RSRC2: variants seen among roughly 807,000 people sequenced by gnomAD.
RSRC2 encodes arginine/serine-rich coiled-coil protein 2.
In RSRC2, 5 loss-of-function variants were observed where a neutral mutation model predicts 61.3. That is an observed-to-expected ratio of 0.08 (90% CI 0.04 to 0.17). RSRC2 has a LOEUF of 0.17. Ranked by LOEUF, RSRC2 falls within the 10% of genes least tolerant of loss-of-function variation. RSRC2 has a pLI of 1.00. For missense variants in RSRC2, 381 were observed against 518.8 expected (o/e 0.73, Z 2.58); for synonymous variants, 202 against 166.5 (o/e 1.21, Z -1.64).
intron 8 of RSRC2, 61 bp downstream of exon 8, chr12:122,508,157 G>A (rs750912578): frequency 6.9e-7 from 1 of 1,452,506 alleles, no homozygotes; most frequent in Non-Finnish European, 9.7e-7. Context: ...ACCCAAATTT[G>A]TTTTTCTAAG....
chr12:122,506,165 C>T (rs1958104236), intron 9 of RSRC2, among the ~76,000 whole-genome samples: 1 of 152,048 alleles, frequency 6.6e-6, no homozygotes, highest in Admixed American at 6.5e-5. Flanking sequence ...ACGGGTGGAT[C>T]ACCTGAGGTC....
intron 6 of RSRC2, among the ~76,000 whole-genome samples, chr12:122,512,261 C>A (rs939263027): frequency 6.6e-6 from 1 of 152,158 alleles, no homozygotes; most frequent in African/African-American, 2.4e-5. Flanking sequence ...CAATGAATTC[C>A]TGAAAGAGGA....
chr12:122,522,414 T>C, intron 1 of RSRC2, 115 bp from the exon 2 acceptor site: 1 of 1,001,556 alleles, frequency 1.0e-6, no homozygotes, highest in African/African-American at 1.6e-5. Flanking sequence ...TAAATCAGAA[T>C]GCCTGCTTTC....
chr12:122,514,559 C>T (rs1593387950), intron 6 of RSRC2: 1 of 976,356 alleles, frequency 1.0e-6, no homozygotes, highest in Non-Finnish European at 1.2e-6. Flanking sequence ...ACCGATTGCA[C>T]CCGGCCGAAA....
At chr12:122,520,369 T>G in intron 3 of RSRC2, 1 of 506,548 alleles carries the variant, frequency 2.0e-6, no homozygotes, top group Non-Finnish European at 3.4e-6. Flanking sequence ...TGGTTAAACT[T>G]CTAAAGGTTT....
In RSRC2 at chr12:122,515,173, C is replaced by T. The variant is rs202041060; in HGVS notation, c.657G>A (p.Arg219=). 35 of 1,614,124 alleles carry T rather than the reference C, an allele frequency of 2.2e-5. 1 individual carries two copies. The South Asian group carries it at 3.5e-4, about 16-fold the overall frequency. Residue 219 remains arginine, a synonymous_variant, in exon 6 of 10, where the codon CGG becomes CGA. Transcript: ENST00000331738. ...CTCTGAAGGGAGGTGGACTTGGAGT[C>T]CGGCTTAAACTTCTGCTAAATCTTC... The part of the protein sequence containing the change: ...KPRRFSRSLS[R]TPSPPPFRGR...
chr12:122,513,243 A>T (rs1332970389), intron 6 of RSRC2, among the ~76,000 whole-genome samples: 2 of 48,152 alleles, frequency 4.2e-5, no homozygotes, highest in African/African-American at 8.5e-5. Flanking sequence ...AAATAAATAA[A>T]TAAAATAAAA....
At chr12:122,509,737 G>A (rs780607992) in intron 7 of RSRC2, among the ~76,000 whole-genome samples, 5 of 152,126 alleles carry the variant, frequency 3.3e-5, no homozygotes, top group Admixed American at 1.3e-4. Flanking sequence ...AAGTGCCACT[G>A]TTTACCAAAA....
At chr12:122,509,616 T>C (rs1958347480) in intron 7 of RSRC2, among the ~76,000 whole-genome samples, 1 of 152,092 alleles carries the variant, frequency 6.6e-6, no homozygotes, top group African/African-American at 2.4e-5. Flanking sequence ...GTCCAGAATA[T>C]AACCTTAAAA....
intron 3 of RSRC2, 76 bp downstream of exon 3, chr12:122,521,309 T>C: frequency 8.8e-7 from 1 of 1,134,826 alleles, no homozygotes; most frequent in Non-Finnish European, 1.3e-6. Flanking sequence ...GACAACGTCT[T>C]ATATTCATAC....
intron 5 of RSRC2, 106 bp downstream of exon 5, chr12:122,517,121 C>T: frequency 6.6e-7 from 1 of 1,509,292 alleles, no homozygotes; most frequent in Non-Finnish European, 9.0e-7. Flanking sequence ...TTACCATAAT[C>T]TATAAATAGA....
intron 7 of RSRC2, 82 bp downstream of exon 7, chr12:122,511,023 AGAAT>A: frequency 2.1e-6 from 2 of 962,310 alleles, no homozygotes; most frequent in Non-Finnish European, 3.1e-6. Flanking sequence ...CACTCCAGTC[AGAAT>A]GACAGAGCAA....
chr12:122,514,067 A>T (rs1156985034), intron 6 of RSRC2: 1 of 152,210 alleles, frequency 6.6e-6, no homozygotes, highest in Non-Finnish European at 1.5e-5. Context: ...AGAAAAAAAA[A>T]TCAAAACCTA....
At position 122,525,809 on chromosome 12, in the gene RSRC2, T is replaced by TAACTGTAACGC. The variant is rs1960167909; in HGVS notation, c.6+1038_6+1039insGCGTTACAGTT. Among the ~76,000 whole-genome samples, 7 of 16,160 alleles carry TAACTGTAACGC rather than the reference T, an allele frequency of 4.3e-4. No homozygotes were observed. In the South Asian group the frequency reaches 9.6e-3, roughly 22 times the overall value. 10.6% of individuals were successfully genotyped at this position (16,160 alleles called of 152,430 possible). On this transcript the variant is annotated intron_variant, in intron 1 of 9. Coordinates refer to ENST00000331738, the MANE Select transcript of RSRC2 (RefSeq NM_023012.6). ...TCTGGGGTCAACGAAGAGTTTTTTT[T>TAACTGTAACGC]TTTTTTTTTTTTTTTTTTTTTTTTT...
At chr12:122,511,459 A>G (rs972898200) in intron 6 of RSRC2, among the ~76,000 whole-genome samples, 1 of 152,368 alleles carries the variant, frequency 6.6e-6, no homozygotes, top group Middle Eastern at 3.4e-3. Context: ...CCAATTAACA[A>G]GTGAAAAAAA....
At chr12:122,515,987 TCAAAA>T (rs1303023491) in intron 5 of RSRC2, among the ~76,000 whole-genome samples, 1 of 151,944 alleles carries the variant, frequency 6.6e-6, no homozygotes, top group African/African-American at 2.4e-5. Flanking sequence ...AGACTCTGTC[TCAAAA>T]CAAACAAAAA....
intron 1 of RSRC2, 57 bp downstream of exon 1, chr12:122,526,791 A>G (rs1267494542): frequency 6.2e-7 from 1 of 1,602,046 alleles, no homozygotes; most frequent in Non-Finnish European, 8.6e-7. Flanking sequence ...CCGTTCACCC[A>G]CTGTTGGAAC....
intron 3 of RSRC2, 50 bp from the exon 4 acceptor site, chr12:122,519,079 A>T: frequency 1.3e-6 from 2 of 1,489,426 alleles, no homozygotes; most frequent in Non-Finnish European, 1.9e-6. Context: ...CAACAAAGAG[A>T]GTTAGTATGG....
intron 8 of RSRC2, 127 bp downstream of exon 8, chr12:122,508,091 C>A: frequency 2.4e-6 from 2 of 828,048 alleles, no homozygotes; most frequent in Non-Finnish European, 4.0e-6. Flanking sequence ...GCATAAGCCA[C>A]CCGCGTCTGG....
Sources: allele counts gnomAD v4.1 joint callset (sites outside exome capture counted in the v4.1 genomes callset), GRCh38; gene constraint gnomAD v4.1.1; transcripts MANE v1.5; gene names NCBI Gene and HGNC (gene_info 2026-07-23, HGNC 2026-07-21).